The following KAZN variants were observed in gnomAD, a reference collection of about 807,000 sequenced individuals.
KAZN encodes kazrin.
A neutral mutation model predicts 87.4 loss-of-function variants in KAZN; 40 were observed. The ratio of observed to expected loss-of-function variants is 0.46; its 90% CI spans 0.36 to 0.60. The LOEUF (loss-of-function observed/expected upper bound fraction) is 0.60, where lower values mean the gene tolerates loss of function less well. Ranked by LOEUF, KAZN falls within the 20% of genes least tolerant of loss-of-function variation. KAZN has a pLI of 0.00. For synonymous variants in KAZN, 466 were observed against 458.3 expected, an observed-to-expected ratio of 1.02 and a Z score of -0.22; for missense variants, 898 against 1,073.9, an observed-to-expected ratio of 0.84 and a Z score of 2.29.
intron 2 of KAZN, among the ~76,000 whole-genome samples, chr1:14,511,546 G>A (rs977504346): frequency 6.6e-6 from 1 of 152,172 alleles, no homozygotes; most frequent in African/African-American, 2.4e-5. Flanking sequence ...CACAAAAGCA[G>A]AAGAAATAAT....
chr1:14,298,523 G>A (rs1654296326), intron 2 of KAZN, among the ~76,000 whole-genome samples: 1 of 152,142 alleles, frequency 6.6e-6, no homozygotes, highest in Admixed American at 6.5e-5. Flanking sequence ...CCCCATGCAA[G>A]TGTACGATTT....
intron 2 of KAZN, among the ~76,000 whole-genome samples, chr1:14,217,414 TAAA>T (rs889722341): frequency 2.7e-5 from 4 of 146,360 alleles, no homozygotes; most frequent in Non-Finnish European, 6.0e-5. Context: ...TCTAACAAGC[TAAA>T]AAAAAAACCT....
At chr1:14,211,332 C>T (rs1191791842) in intron 2 of KAZN, among the ~76,000 whole-genome samples, 6 of 152,144 alleles carry the variant, frequency 3.9e-5, no homozygotes, top group Admixed American at 6.5e-5. Flanking sequence ...ACCATTCTCT[C>T]GCCTCAGCCT....
chr1:14,505,117 G>C (rs1274990390), intron 2 of KAZN, among the ~76,000 whole-genome samples: 1 of 152,106 alleles, frequency 6.6e-6, no homozygotes, highest in Non-Finnish European at 1.5e-5. Context: ...TTAGGAAATG[G>C]CCACCTCGAA....
chr1:14,425,120 C>T (rs184544357), intron 2 of KAZN, among the ~76,000 whole-genome samples: 55 of 152,254 alleles, frequency 3.6e-4, no homozygotes, highest in African/African-American at 1.3e-3. Flanking sequence ...GAGAGTGATT[C>T]GTGGCCTCAG....
intron 13 of KAZN, among the ~76,000 whole-genome samples, chr1:15,109,735 ATG>A (rs1341787615): frequency 5.7e-4 from 85 of 148,296 alleles, no homozygotes; most frequent in East Asian, 3.6e-3. Flanking sequence ...ATCTGTGTGT[ATG>A]TGTGTTTGTG....
chr1:14,619,176 A>G (rs550102965), intron 1 of KAZN, among the ~76,000 whole-genome samples: 1 of 151,908 alleles, frequency 6.6e-6, no homozygotes, highest in South Asian at 2.1e-4. Flanking sequence ...TCCATGCACA[A>G]TGAAAAAGGA....
chr1:14,843,473 T>C (rs944714863), intron 1 of KAZN, among the ~76,000 whole-genome samples: 5 of 152,150 alleles, frequency 3.3e-5, no homozygotes, highest in African/African-American at 9.7e-5. Flanking sequence ...TCTGAGAGCC[T>C]AGGATCTCAT....
chr1:14,360,929 T>G (rs999197253), intron 2 of KAZN, among the ~76,000 whole-genome samples: 5 of 152,170 alleles, frequency 3.3e-5, no homozygotes, highest in Non-Finnish European at 7.4e-5. Context: ...GGGACCCACT[T>G]GAGGAGGCAG....
chr1:14,441,170 A>G (rs1666682190), intron 2 of KAZN, among the ~76,000 whole-genome samples: 1 of 152,168 alleles, frequency 6.6e-6, no homozygotes, highest in Non-Finnish European at 1.5e-5. Flanking sequence ...TGGAAGATAC[A>G]TTAATTAAGC....
intron 1 of KAZN, among the ~76,000 whole-genome samples, chr1:14,604,921 G>C (rs977582285): frequency 6.6e-6 from 1 of 152,174 alleles, no homozygotes; most frequent in Non-Finnish European, 1.5e-5. Flanking sequence ...GTCCTGCCCA[G>C]CTCCCTTCTC....
intron 1 of KAZN, among the ~76,000 whole-genome samples, chr1:13,958,680 T>C (rs1641641589): frequency 6.7e-6 from 1 of 149,790 alleles, no homozygotes; most frequent in Non-Finnish European, 1.5e-5. Flanking sequence ...GACTAGGGGG[T>C]TAGGTAGGAA....
At chr1:15,037,311 C>T (rs1382112492) in intron 3 of KAZN, among the ~76,000 whole-genome samples, 1 of 152,218 alleles carries the variant, frequency 6.6e-6, no homozygotes, top group African/African-American at 2.4e-5. Flanking sequence ...AGAAGACAGG[C>T]TCCAAGCTGA....
chr1:14,867,094 C>CA (rs1180491084), intron 1 of KAZN, among the ~76,000 whole-genome samples: 15 of 83,724 alleles, frequency 1.8e-4, no homozygotes, highest in Middle Eastern at 5.0e-3. Flanking sequence ...AGTTCGGGCT[C>CA]GTTTTTTCCA....
intron 1 of KAZN, among the ~76,000 whole-genome samples, chr1:14,152,679 G>T (rs1440623855): frequency 1.3e-5 from 2 of 152,208 alleles, no homozygotes; most frequent in African/African-American, 4.8e-5. Context: ...TTAACATAGA[G>T]ATTTCCTTCC....
chr1:15,054,670 A>T (rs1030521522), intron 4 of KAZN, among the ~76,000 whole-genome samples: 9 of 151,870 alleles, frequency 5.9e-5, no homozygotes, highest in Non-Finnish European at 1.2e-4. Context: ...AAAAAAGAAG[A>T]AGAAGAAGAA....
At chr1:13,985,524 G>A (rs1638972703) in intron 1 of KAZN, among the ~76,000 whole-genome samples, 1 of 134,298 alleles carries the variant, frequency 7.4e-6, no homozygotes, top group Non-Finnish European at 1.6e-5. Flanking sequence ...CATGGACACA[G>A]GAAGGGGAAC....
chr1:14,765,755 T>C (rs1644867054), intron 1 of KAZN, among the ~76,000 whole-genome samples: 1 of 152,152 alleles, frequency 6.6e-6, no homozygotes, highest in African/African-American at 2.4e-5. Context: ...AGGAATGGGC[T>C]GCACTCATAA....
chr1:14,853,704 G>A (rs1446098239), intron 1 of KAZN, among the ~76,000 whole-genome samples: 1 of 152,116 alleles, frequency 6.6e-6, no homozygotes, highest in Admixed American at 6.6e-5. Context: ...GTGTCTCTTG[G>A]CCCCTCTCCC....
Sources: gnomAD v4.1 joint callset for allele counts (sites outside exome capture counted in the v4.1 genomes callset) on GRCh38, gnomAD v4.1.1 for gene constraint, MANE v1.5 for transcripts, NCBI Gene and HGNC (gene_info 2026-07-23, HGNC 2026-07-21) for gene names.